The following PLEKHH2 variants were observed in gnomAD, a reference collection of about 807,000 sequenced individuals.
PLEKHH2 encodes pleckstrin homology domain-containing family H member 2.
Under a neutral mutation model 187.9 loss-of-function variants are expected in PLEKHH2, and 129 were observed. The ratio of observed to expected loss-of-function variants is 0.69; its 90% CI spans 0.59 to 0.79. The LOEUF (loss-of-function observed/expected upper bound fraction) is 0.79, where lower values mean the gene tolerates loss of function less well. Ranked by LOEUF, PLEKHH2 falls within the 30% of genes least tolerant of loss-of-function variation. PLEKHH2 has a pLI of 0.00. For missense variants in PLEKHH2, 2,076 were observed against 1,751.2 expected, an observed-to-expected ratio of 1.19 and a Z score of -3.31; for synonymous variants, 686 against 605.6, an observed-to-expected ratio of 1.13 and a Z score of -1.95.
chr2:43,765,140 A>G (rs1672572060), intron 29 of PLEKHH2, among the ~76,000 whole-genome samples: 1 of 152,230 alleles, frequency 6.6e-6, no homozygotes, highest in Admixed American at 6.5e-5. Flanking sequence ...AATTTGATAG[A>G]GTTCTACTAC....
chr2:43,657,287 G>A (rs1666832680), intron 2 of PLEKHH2, among the ~76,000 whole-genome samples: 1 of 152,064 alleles, frequency 6.6e-6, no homozygotes, highest in Admixed American at 6.6e-5. Context: ...CTAGTAGTTG[G>A]GATTACAGGT....
intron 9 of PLEKHH2, among the ~76,000 whole-genome samples, chr2:43,704,639 G>A (rs527518153): frequency 4.4e-4 from 59 of 133,890 alleles, no homozygotes; most frequent in African/African-American, 1.6e-3. Flanking sequence ...CTCCAGCCTG[G>A]GTGACAGAGC....
At chr2:43,708,277 C>T (rs763433238) in intron 11 of PLEKHH2, among the ~76,000 whole-genome samples, 1 of 152,214 alleles carries the variant, frequency 6.6e-6, no homozygotes, top group Admixed American at 6.5e-5. Flanking sequence ...CTCCTCACAA[C>T]GGCTATAAGG....
At position 43,738,489 on chromosome 2, in the gene PLEKHH2, G is replaced by A. The variant is rs879207504; in HGVS notation, c.3092G>A (p.Arg1031Lys). ...CCQLIKQTRRRQPQNQPGPLQ... is the reference protein window; with the variant it reads ...CCQLIKQTRRKQPQNQPGPLQ... ...CAGCTTATTAAACAGACAAGACGAA[G>A]ACAGCCACAGAATCAACCAGGACCA... is the stretch of plus-strand genomic sequence containing the variant. The change falls in exon 20 of 30, where the codon AGA becomes AAA. Residue 1031 changes from arginine to lysine, a missense_variant. Coordinates refer to ENST00000282406, the MANE Select transcript of PLEKHH2 (RefSeq NM_172069.4). 4 of 1,613,024 alleles carry A rather than the reference G, an allele frequency of 2.5e-6. No homozygotes were observed. Among genetic ancestry groups the A allele is most frequent in the Non-Finnish European group, 3.4e-6 (4 of 1,179,330 alleles).
At chr2:43,694,235 C>T (rs1668979666) in intron 4 of PLEKHH2, among the ~76,000 whole-genome samples, 196 bp from the exon 5 acceptor site, 1 of 152,182 alleles carries the variant, frequency 6.6e-6, no homozygotes. Flanking sequence ...ACTAGTAATA[C>T]ATGCATGTGG....
At chr2:43,692,794 T>C (rs1301600266) in intron 4 of PLEKHH2, 131 bp downstream of exon 4, 5 of 1,004,954 alleles carry the variant, frequency 5.0e-6, no homozygotes, top group Admixed American at 5.6e-5. Flanking sequence ...CCCATAGGAT[T>C]GCATCACATT....
At chr2:43,734,996 A>C (rs1362258488) in intron 19 of PLEKHH2, among the ~76,000 whole-genome samples, 1 of 152,040 alleles carries the variant, frequency 6.6e-6, no homozygotes, top group Non-Finnish European at 1.5e-5. Context: ...GCTGGTCTCT[A>C]CTAAAAATAC....
chr2:43,712,497 G>T, intron 15 of PLEKHH2, 114 bp downstream of exon 15: 1 of 1,235,392 alleles, frequency 8.1e-7, no homozygotes, highest in South Asian at 1.6e-5. Context: ...ATGATCTTGG[G>T]GATAGGAAAG....
chr2:43,678,220 T>C (rs1667961614), intron 2 of PLEKHH2, among the ~76,000 whole-genome samples: 1 of 148,888 alleles, frequency 6.7e-6, no homozygotes, highest in Admixed American at 6.7e-5. Context: ...CTCCTCACTT[T>C]CCAGACTGGG....
At chr2:43,715,475 A>G (rs970163692) in intron 15 of PLEKHH2, among the ~76,000 whole-genome samples, 1 of 152,182 alleles carries the variant, frequency 6.6e-6, no homozygotes, top group Non-Finnish European at 1.5e-5. Context: ...CATGTTGCTA[A>G]CAGATTACTC....
intron 3 of PLEKHH2, 138 bp downstream of exon 3, chr2:43,679,063 A>G (rs902505700): frequency 2.0e-6 from 1 of 498,664 alleles, no homozygotes; most frequent in African/African-American, 2.0e-5. Context: ...TCCATAAAGA[A>G]AATGGAGAAT....
At chr2:43,695,276 C>G (rs776533319) in intron 6 of PLEKHH2, 52 bp downstream of exon 6, 1 of 1,012,250 alleles carries the variant, frequency 9.9e-7, no homozygotes, top group East Asian at 2.8e-5. Flanking sequence ...ACTATATAGG[C>G]TTTTACTTTT....
At chr2:43,655,196 T>TAAG (rs1666692325) in intron 2 of PLEKHH2, among the ~76,000 whole-genome samples, 1 of 151,462 alleles carries the variant, frequency 6.6e-6, no homozygotes, top group African/African-American at 2.4e-5. Context: ...AATAAAATAA[T>TAAG]AATAATAATA....
intron 2 of PLEKHH2, among the ~76,000 whole-genome samples, chr2:43,667,763 T>G (rs13382995): frequency 0.025 from 3,766 of 152,212 alleles, 150 homozygotes; most frequent in African/African-American, 0.087. Flanking sequence ...AAGTAGACTA[T>G]TGGTTGCAAA....
chr2:43,683,339 A>G (rs566066621), intron 3 of PLEKHH2, among the ~76,000 whole-genome samples: 2 of 151,784 alleles, frequency 1.3e-5, no homozygotes, highest in African/African-American at 4.8e-5. Flanking sequence ...GGATTTCTCT[A>G]TGTTGGTCGG....
chr2:43,681,196 A>G (rs1044517815), intron 3 of PLEKHH2: 1 of 676,680 alleles, frequency 1.5e-6, no homozygotes, highest in African/African-American at 1.8e-5. Flanking sequence ...TTCCTCAAAG[A>G]ATACAGAAAG....
rs146839279 is a variant in PLEKHH2, at chr2:43,643,559, G to A, written c.-3-1112G>A. ...AGGATTAGGGAGGATTCTATATTAC[G>A]CTAAATACTGGGAAAATCAATGTGG... On this transcript the variant is annotated intron_variant, in intron 1 of 29. Coordinates refer to ENST00000282406, the MANE Select transcript of PLEKHH2 (RefSeq NM_172069.4). 3.3e-5 allele frequency among the ~76,000 whole-genome samples: 5 copies of A among 152,038 alleles called. No individual in the cohort carries two copies. The East Asian group carries it at 7.7e-4, about 23-fold the overall frequency.
chr2:43,644,626 A>C, intron 1 of PLEKHH2, 45 bp from the exon 2 acceptor site: 3 of 1,388,490 alleles, frequency 2.2e-6, no homozygotes, highest in East Asian at 2.5e-5. Flanking sequence ...TAGCATTTGA[A>C]TGTTTTACTT....
intron 19 of PLEKHH2, among the ~76,000 whole-genome samples, chr2:43,736,768 A>C (rs943814087): frequency 6.6e-6 from 1 of 152,040 alleles, no homozygotes; most frequent in Non-Finnish European, 1.5e-5. Context: ...AGGAGGCAGA[A>C]GTTGCGCTGA....
Sources: allele counts gnomAD v4.1 joint callset (sites outside exome capture counted in the v4.1 genomes callset), GRCh38; gene constraint gnomAD v4.1.1; transcripts MANE v1.5; gene names NCBI Gene and HGNC (gene_info 2026-07-23, HGNC 2026-07-21).